The following DIAPH3 variants were observed in gnomAD, a reference collection of about 807,000 sequenced individuals.
DIAPH3 encodes the protein protein diaphanous homolog 3.
A neutral mutation model predicts 144.3 loss-of-function variants in DIAPH3; 117 were observed. The observed-to-expected ratio is 0.81, with a 90% confidence interval of 0.70 to 0.95. The LOEUF is 0.95. DIAPH3 is among the 40% of genes least tolerant of loss of function. The pLI, the probability that DIAPH3 is intolerant of heterozygous loss-of-function variation, is 0.00. For missense variants in DIAPH3, 1,421 were observed against 1,412.7 expected (o/e 1.01, Z -0.09); for synonymous variants, 519 against 488.9 (o/e 1.06, Z -0.81).
intron 4 of DIAPH3, among the ~76,000 whole-genome samples, chr13:60,051,677 C>G (rs992888565): frequency 6.6e-6 from 1 of 151,868 alleles, no homozygotes; most frequent in Admixed American, 6.6e-5. Flanking sequence ...CCCTACTATA[C>G]AAGGGGAGAG....
chr13:59,882,340 T>G (rs1282210680), intron 20 of DIAPH3, among the ~76,000 whole-genome samples: 1 of 152,186 alleles, frequency 6.6e-6, no homozygotes, highest in African/African-American at 2.4e-5. Context: ...TCCACCCACT[T>G]GGGCTTCCCA....
intron 4 of DIAPH3, among the ~76,000 whole-genome samples, chr13:60,066,724 G>T (rs2056982531): frequency 6.6e-6 from 1 of 152,180 alleles, no homozygotes; most frequent in South Asian, 2.1e-4. Flanking sequence ...TAGAATTCTT[G>T]TGAAAATCAG....
intron 3 of DIAPH3, 125 bp from the exon 4 acceptor site, chr13:60,093,857 C>T (rs905238785): frequency 1.4e-6 from 1 of 693,860 alleles, no homozygotes. Flanking sequence ...GAATGATTTA[C>T]GTGTAGTTCT....
intron 9 of DIAPH3, among the ~76,000 whole-genome samples, chr13:59,994,220 C>T (rs1456007673): frequency 1.3e-5 from 2 of 151,892 alleles, no homozygotes; most frequent in African/African-American, 4.8e-5. Context: ...TTGCCATTAG[C>T]ATGGCTTACA....
At chr13:59,934,434 GAA>G (rs1268589654) in intron 17 of DIAPH3, among the ~76,000 whole-genome samples, 1 of 152,022 alleles carries the variant, frequency 6.6e-6, no homozygotes, top group African/African-American at 2.4e-5. Context: ...GACACAGAGA[GAA>G]GATAATAAAT....
At chr13:59,908,022 A>G (rs2140217315) in intron 20 of DIAPH3, among the ~76,000 whole-genome samples, 1 of 152,290 alleles carries the variant, frequency 6.6e-6, no homozygotes, top group Middle Eastern at 3.4e-3. Context: ...TTTGTATACC[A>G]TACTCTACAG....
intron 17 of DIAPH3, among the ~76,000 whole-genome samples, chr13:59,968,693 T>A (rs1280633167): frequency 6.6e-6 from 1 of 152,174 alleles, no homozygotes; most frequent in Non-Finnish European, 1.5e-5. Flanking sequence ...TTGGAGAGAG[T>A]TTCTAATTTA....
chr13:59,762,561 G>A (rs2037658210), intron 27 of DIAPH3, among the ~76,000 whole-genome samples: 1 of 151,880 alleles, frequency 6.6e-6, no homozygotes, highest in Non-Finnish European at 1.5e-5. Flanking sequence ...GCCAAGTAGT[G>A]TACCATAATC....
chr13:59,867,966 G>A (rs751206356), intron 21 of DIAPH3, among the ~76,000 whole-genome samples: 2 of 151,926 alleles, frequency 1.3e-5, no homozygotes, highest in Non-Finnish European at 2.9e-5. Context: ...AAAGATACAA[G>A]ATACTGCTTC....
intron 20 of DIAPH3, among the ~76,000 whole-genome samples, chr13:59,910,087 C>G (rs1027754106): frequency 4.6e-5 from 7 of 151,826 alleles, no homozygotes; most frequent in Admixed American, 2.0e-4. Flanking sequence ...TTTCATATAA[C>G]CTTGCATGGT....
chr13:59,682,428 C>T (rs979939802), intron 27 of DIAPH3, among the ~76,000 whole-genome samples: 8 of 152,098 alleles, frequency 5.3e-5, no homozygotes, highest in African/African-American at 1.4e-4. Flanking sequence ...CTCAAGTGAT[C>T]CTCCCCCTTC....
At chr13:59,991,341 G>A in intron 11 of DIAPH3, 67 bp from the exon 12 acceptor site, 1 of 1,130,522 alleles carries the variant, frequency 8.8e-7, no homozygotes, top group Non-Finnish European at 1.3e-6. Context: ...TAATATGACA[G>A]AATTTGTCCT....
intron 21 of DIAPH3, among the ~76,000 whole-genome samples, chr13:59,871,832 T>C (rs946958270): frequency 1.3e-5 from 2 of 152,228 alleles, no homozygotes; most frequent in African/African-American, 4.8e-5. Flanking sequence ...GTAGATGGCA[T>C]CTATCAAGGT....
intron 2 of DIAPH3, among the ~76,000 whole-genome samples, chr13:60,116,768 A>C (rs1481241149): frequency 6.6e-6 from 1 of 152,116 alleles, no homozygotes; most frequent in Non-Finnish European, 1.5e-5. Context: ...TGGTTCTAAC[A>C]GTAATAGAAG....
intron 17 of DIAPH3, among the ~76,000 whole-genome samples, chr13:59,934,606 T>A (rs2048175679): frequency 6.6e-6 from 1 of 152,208 alleles, no homozygotes; most frequent in Admixed American, 6.6e-5. Flanking sequence ...AAGAGGCTGA[T>A]AAAGAGTATC....
At chr13:59,913,061 C>A (rs1160307029) in intron 19 of DIAPH3, among the ~76,000 whole-genome samples, 1 of 152,082 alleles carries the variant, frequency 6.6e-6, no homozygotes, top group Non-Finnish European at 1.5e-5. Context: ...TTGCTTGAGA[C>A]CAAAAGACAT....
At chr13:59,945,308 A>G (rs2048744782) in intron 17 of DIAPH3, among the ~76,000 whole-genome samples, 1 of 152,094 alleles carries the variant, frequency 6.6e-6, no homozygotes, top group African/African-American at 2.4e-5. Context: ...CAAAAACTAC[A>G]GTCATTTTTG....
chr13:60,029,791 A>AAAGTGATCC (rs1032416713), intron 5 of DIAPH3, among the ~76,000 whole-genome samples: 18 of 152,186 alleles, frequency 1.2e-4, no homozygotes, highest in Non-Finnish European at 4.4e-5. Context: ...TGTGGCAGTT[A>AAAGTGATCC]AAGTGATCCT....
intron 1 of DIAPH3, among the ~76,000 whole-genome samples, chr13:60,141,895 T>C (rs920894937): frequency 6.6e-6 from 1 of 152,370 alleles, no homozygotes; most frequent in East Asian, 1.9e-4. Context: ...ATAGGCCTCA[T>C]TGACAAAGTG....
Sources: allele counts gnomAD v4.1 joint callset (sites outside exome capture counted in the v4.1 genomes callset), GRCh38; gene constraint gnomAD v4.1.1; transcripts MANE v1.5; gene names NCBI Gene and HGNC (gene_info 2026-07-23, HGNC 2026-07-21).